Variants in SNTG1 observed in about 807,000 individuals in gnomAD.
The protein encoded by SNTG1 is syntrophin gamma 1.
In SNTG1, 39 loss-of-function variants were observed where a neutral mutation model predicts 74.7. The observed-to-expected ratio is 0.52, with a 90% CI of 0.40 to 0.68. The LOEUF is 0.68. Among genes scored for constraint, SNTG1 ranks in the 30% least tolerant of loss-of-function variants. The probability of loss-of-function intolerance (pLI) is 0.00; values close to 1 mark genes in which losing one functional copy is unlikely to be tolerated. For synonymous variants in SNTG1, 254 were observed against 217.1 expected (o/e 1.17, Z -1.49); for missense variants, 685 against 609.5 (o/e 1.12, Z -1.30).
intron 1 of SNTG1, among the ~76,000 whole-genome samples, chr8:49,939,531 G>A (rs1009415772): frequency 6.6e-6 from 1 of 152,098 alleles, no homozygotes; most frequent in East Asian, 1.9e-4. Flanking sequence ...GAACTCCTGG[G>A]CTCAAACAAT....
intron 1 of SNTG1, among the ~76,000 whole-genome samples, chr8:50,121,376 T>C (rs1240167099): frequency 7.0e-6 from 1 of 142,222 alleles, no homozygotes; most frequent in African/African-American, 2.5e-5. Context: ...TAGTTCTATG[T>C]GCACTGCTCA....
intron 1 of SNTG1, among the ~76,000 whole-genome samples, chr8:50,147,276 T>C (rs984770139): frequency 2.6e-5 from 4 of 151,994 alleles, no homozygotes; most frequent in Non-Finnish European, 5.9e-5. Context: ...CTGTGAAAAA[T>C]GAATCAAACT....
intron 4 of SNTG1, among the ~76,000 whole-genome samples, chr8:50,435,177 C>G (rs2093287963): frequency 6.6e-6 from 1 of 152,014 alleles, no homozygotes; most frequent in Non-Finnish European, 1.5e-5. Context: ...TGCAGCAAGT[C>G]TTTATACAGT....
chr8:50,289,528 C>T (rs2088972092), intron 2 of SNTG1, among the ~76,000 whole-genome samples: 1 of 152,134 alleles, frequency 6.6e-6, no homozygotes, highest in Non-Finnish European at 1.5e-5. Flanking sequence ...CATTGTATCA[C>T]TAACACCATT....
At chr8:49,997,525 C>T (rs1814341715) in intron 1 of SNTG1, among the ~76,000 whole-genome samples, 1 of 152,144 alleles carries the variant, frequency 6.6e-6, no homozygotes, top group African/African-American at 2.4e-5. Context: ...ATTTCTCCCA[C>T]CTGGATCACT....
chr8:50,458,869 C>A (rs2093533364), intron 8 of SNTG1, among the ~76,000 whole-genome samples: 1 of 152,100 alleles, frequency 6.6e-6, no homozygotes, highest in African/African-American at 2.4e-5. Flanking sequence ...GTGGCTTAGT[C>A]TCTTCAATTA....
chr8:50,522,168 T>C (rs756909149), intron 9 of SNTG1, among the ~76,000 whole-genome samples: 7 of 152,140 alleles, frequency 4.6e-5, no homozygotes, highest in Non-Finnish European at 1.0e-4. Flanking sequence ...TTTTCATCCA[T>C]GGGCTGCAGA....
intron 8 of SNTG1, 63 bp downstream of exon 8, chr8:50,450,792 G>T: frequency 6.8e-7 from 1 of 1,476,410 alleles, no homozygotes; most frequent in Non-Finnish European, 9.4e-7. Context: ...TTAGTGCATT[G>T]CTAAAGACTG....
intron 2 of SNTG1, chr8:50,382,037 G>C (rs753941867): frequency 6.6e-6 from 1 of 151,406 alleles, no homozygotes; most frequent in Non-Finnish European, 1.5e-5. Flanking sequence ...GGCCGGCCTC[G>C]TCTTTTCACA....
intron 18 of SNTG1, among the ~76,000 whole-genome samples, chr8:50,754,270 T>A (rs2095574714): frequency 6.6e-6 from 1 of 152,006 alleles, no homozygotes; most frequent in Admixed American, 6.6e-5. Flanking sequence ...TGCCAAATTA[T>A]ATTCTATAGT....
chr8:50,776,220 C>A (rs1056169197), intron 18 of SNTG1, among the ~76,000 whole-genome samples: 13 of 150,370 alleles, frequency 8.6e-5, no homozygotes, highest in African/African-American at 3.2e-4. Flanking sequence ...TTTTAGAAAT[C>A]AATTTTATCC....
At chr8:50,579,717 T>C (rs1379269085) in intron 12 of SNTG1, among the ~76,000 whole-genome samples, 3 of 152,238 alleles carry the variant, frequency 2.0e-5, no homozygotes, top group Admixed American at 1.3e-4. Flanking sequence ...TCCCAAGCTT[T>C]GGCAGCTTCC....
chr8:50,246,627 G>A (rs1364281376), intron 2 of SNTG1, among the ~76,000 whole-genome samples: 1 of 152,012 alleles, frequency 6.6e-6, no homozygotes, highest in African/African-American at 2.4e-5. Flanking sequence ...TGTTTGATGA[G>A]AGGAATGAAT....
In SNTG1 at chr8:50,656,963, GTGTACTCCCCGACCTTCC is replaced by G; in HGVS notation, c.907_924del (p.Tyr303_Leu308del). ...GGAGCAAGACCCCCTCCAGGACAGA[GTGTACTCCCCGACCTTCC>G]TGGCCCTGAGGGGCTCATGTCTCTA... On this transcript the variant is annotated inframe_deletion, in exon 14 of 19. Transcript: ENST00000642720. 6.3e-7 allele frequency: 1 copy of G among 1,599,702 alleles called. No individual in the cohort carries two copies. The highest frequency in any genetic ancestry group is 8.5e-7 in the Non-Finnish European group (1 of 1,173,154).
chr8:50,274,214 G>C (rs1022098718), intron 2 of SNTG1, among the ~76,000 whole-genome samples: 3 of 151,926 alleles, frequency 2.0e-5, no homozygotes, highest in Non-Finnish European at 2.9e-5. Context: ...AGCCCCCCTA[G>C]TAGCTGGGAT....
intron 12 of SNTG1, among the ~76,000 whole-genome samples, chr8:50,587,797 CAAA>C (rs545632682): frequency 8.6e-6 from 1 of 116,788 alleles, no homozygotes; most frequent in Non-Finnish European, 1.8e-5. Context: ...GACTTCGTCT[CAAA>C]AAAAAAAAGA....
chr8:50,608,661 A>C (rs2094829817), intron 13 of SNTG1, among the ~76,000 whole-genome samples: 1 of 151,846 alleles, frequency 6.6e-6, no homozygotes, highest in Non-Finnish European at 1.5e-5. Flanking sequence ...TCAGACTGAC[A>C]ATATCTACCA....
intron 2 of SNTG1, among the ~76,000 whole-genome samples, chr8:50,356,393 G>T (rs552091795): frequency 1.5e-4 from 23 of 152,236 alleles, no homozygotes; most frequent in Non-Finnish European, 2.6e-4. Flanking sequence ...CAAAGGCAAG[G>T]TTCAATGTTG....
In SNTG1 at chr8:50,536,808, G is replaced by T. The variant is rs762384621; in HGVS notation, c.680G>T (p.Arg227Leu). 1.2e-6 allele frequency: 2 copies of T among 1,613,556 alleles called. No homozygotes were observed. The highest frequency in any genetic ancestry group is 1.3e-5 in the African/African-American group (1 of 74,904). ...TATGTGCCCGGCACAGATTTGAGTC[G>T]GTGAGTCCGTGTTTAGGAGTTATGA... ...SQYVPGTDLSRQNAFQVIAVD... is the reference protein window; with the variant it reads ...SQYVPGTDLSLQNAFQVIAVD... Residue 227 changes from arginine (R) to leucine (L), a missense_variant and splice_region_variant, in exon 11 of 19, where the codon CGG (arginine) becomes CTG (leucine). By Grantham distance (102) the Arg-to-Leu change is moderately radical. Coordinates refer to ENST00000642720, the MANE Select transcript of SNTG1 (RefSeq NM_018967.5).
Sources: allele counts gnomAD v4.1 joint callset (sites outside exome capture counted in the v4.1 genomes callset), GRCh38; gene constraint gnomAD v4.1.1; transcripts MANE v1.5; gene names NCBI Gene and HGNC (gene_info 2026-07-23, HGNC 2026-07-21).